CECR2: variants seen among roughly 807,000 people sequenced by gnomAD.
CECR2 encodes chromatin remodeling regulator CECR2.
Under a neutral mutation model 154.5 loss-of-function variants are expected in CECR2, and 30 were observed. The ratio of observed to expected loss-of-function variants is 0.19; its 90% CI spans 0.15 to 0.26. CECR2 has a LOEUF of 0.26. Among genes scored for constraint, CECR2 ranks in the 10% least tolerant of loss-of-function variants. The pLI is 1.00. For missense variants in CECR2, 1,743 were observed against 1,829.3 expected (o/e 0.95, Z 0.86); for synonymous variants, 725 against 683.7 (o/e 1.06, Z -0.94).
At chr22:17,381,501 T>C (rs562412366) in intron 1 of CECR2, among the ~76,000 whole-genome samples, 3 of 152,314 alleles carry the variant, frequency 2.0e-5, no homozygotes, top group Non-Finnish European at 4.4e-5. Flanking sequence ...CCATCTTCCT[T>C]ACCCCTGACT....
At position 17,415,284 on chromosome 22, in the gene CECR2, C is replaced by A. The variant is rs189056383; in HGVS notation, c.126+45375C>A. On this transcript the variant is annotated intron_variant, in intron 1 of 18. Transcript: ENST00000262608. ...TGAGACAGGGTCTCTGTCGCCCAGGCTGGAATGCAGTGGCACAATCTCAGC... is the reference window on the plus strand; with the variant it reads ...TGAGACAGGGTCTCTGTCGCCCAGGATGGAATGCAGTGGCACAATCTCAGC... Among the ~76,000 whole-genome samples, 300 of 152,228 alleles carry A rather than the reference C, an allele frequency of 2.0e-3. 2 individuals are homozygous for A. The highest frequency in any genetic ancestry group is 0.016 in the Admixed American group (240 of 15,280).
intron 1 of CECR2, among the ~76,000 whole-genome samples, chr22:17,386,842 GGTT>G (rs2063268457): frequency 6.6e-6 from 1 of 151,960 alleles, no homozygotes; most frequent in Non-Finnish European, 1.5e-5. Context: ...GTAGAGACAG[GGTT>G]TCATCATATT....
chr22:17,477,676 A>G lies in CECR2; in HGVS notation c.215A>G (p.Asp72Gly). 6.2e-7 allele frequency: 1 copy of G among 1,601,748 alleles called. No individual in the cohort carries two copies. The highest frequency in any genetic ancestry group is 8.6e-7 in the Non-Finnish European group (1 of 1,168,838). Residue 72 changes from aspartate (D) to glycine (G), a missense_variant, in exon 2 of 19, where the codon GAT (aspartate) becomes GGT (glycine). Coordinates refer to ENST00000262608, the MANE Select transcript of CECR2 (RefSeq NM_001290047.2). ...CLLQGCYQRRDITPQTFHSYL... is the reference protein window; with the variant it reads ...CLLQGCYQRRGITPQTFHSYL... ...CTTCAGGGCTGCTATCAACGAAGAG[A>G]TATCACGTGAGTAATTCTGATCTTT...
chr22:17,517,544 T>G (rs5747214), intron 8 of CECR2, among the ~76,000 whole-genome samples: 23,722 of 152,260 alleles, frequency 0.16, 2,288 homozygotes, highest in East Asian at 0.47. Context: ...TGAATCCCAC[T>G]TAATACAAAT....
intron 1 of CECR2, among the ~76,000 whole-genome samples, chr22:17,476,492 C>T (rs1276457027): frequency 1.3e-5 from 2 of 151,916 alleles, no homozygotes; most frequent in African/African-American, 4.8e-5. Flanking sequence ...AATCTCTTGA[C>T]CTCAAGTGAG....
intron 2 of CECR2, among the ~76,000 whole-genome samples, chr22:17,490,446 A>T (rs1323590522): frequency 2.0e-5 from 3 of 151,138 alleles, no homozygotes; most frequent in African/African-American, 7.3e-5. Context: ...TTATTTATTT[A>T]TTTTTTGAGA....
intron 1 of CECR2, among the ~76,000 whole-genome samples, chr22:17,447,050 T>TTTTTTTTTTTTTTTTTTTTTTTTG: frequency 6.8e-6 from 1 of 147,990 alleles, no homozygotes; most frequent in African/African-American, 2.6e-5. Context: ...TTTTTTTTTT[T>TTTTTTTTTTTTTTTTTTTTTTTTG]TTGAGACAGA....
At position 17,554,459 on chromosome 22, in the gene CECR2, A is replaced by G. The variant is rs1034078852; in HGVS notation, c.*1619A>G. On this transcript the variant is annotated 3_prime_UTR_variant, in exon 19 of 19. Coordinates refer to ENST00000262608, the MANE Select transcript of CECR2 (RefSeq NM_001290047.2). ...GAACTGTCGTGTTTACAGTTTGCTA[A>G]ACATATGCTGTCCGTGGAAAAGGAA... 1.3e-5 allele frequency: 2 copies of G among 152,174 alleles called. No individual in the cohort carries two copies. Among genetic ancestry groups the G allele is most frequent in the African/African-American group, 4.8e-5 (2 of 41,434 alleles). 9.4% of individuals were successfully genotyped at this position (152,174 alleles called of 1,614,324 possible).
chr22:17,411,924 C>T (rs186656303), intron 1 of CECR2, among the ~76,000 whole-genome samples: 22 of 152,090 alleles, frequency 1.4e-4, no homozygotes, highest in African/African-American at 5.1e-4. Context: ...CACTGTAATT[C>T]AGATATGGCC....
chr22:17,440,854 G>A (rs896030693), intron 1 of CECR2, among the ~76,000 whole-genome samples: 1 of 150,416 alleles, frequency 6.6e-6, no homozygotes, highest in Non-Finnish European at 1.5e-5. Context: ...GTAACCAAAT[G>A]TTCAAGAAAG....
At chr22:17,422,653 A>G (rs185215232) in intron 1 of CECR2, among the ~76,000 whole-genome samples, 1 of 148,220 alleles carries the variant, frequency 6.7e-6, no homozygotes, top group East Asian at 2.0e-4. Context: ...TGTTTATATT[A>G]CACCTTTTGT....
At chr22:17,443,048 G>C (rs902705577) in intron 1 of CECR2, among the ~76,000 whole-genome samples, 1 of 152,146 alleles carries the variant, frequency 6.6e-6, no homozygotes, top group Non-Finnish European at 1.5e-5. Flanking sequence ...CCATTTACTT[G>C]CTGTCCAGTC....
At chr22:17,462,679 G>A (rs1354730881) in intron 1 of CECR2, among the ~76,000 whole-genome samples, 3 of 152,120 alleles carry the variant, frequency 2.0e-5, no homozygotes, top group Non-Finnish European at 2.9e-5. Context: ...ACTTTGGGAG[G>A]CCGAGGCGGG....
At chr22:17,372,156 A>C (rs1304161560) in intron 1 of CECR2, among the ~76,000 whole-genome samples, 1 of 152,192 alleles carries the variant, frequency 6.6e-6, no homozygotes, top group Non-Finnish European at 1.5e-5. Flanking sequence ...TTGGCTTCAA[A>C]CATGCAGGTT....
At position 17,549,156 on chromosome 22, in the gene CECR2, C is replaced by T. The variant is rs1486281208; in HGVS notation, c.3869C>T (p.Pro1290Leu). Residue 1290 changes from proline to leucine, a missense_variant, in exon 17 of 19, where the codon CCA becomes CTA. Pro to Leu is a moderately conservative substitution (Grantham distance 98). This residue lies in a region of CECR2 where 1,250 missense variants were observed against 1,192.1 expected (regional missense o/e 1.05). Coordinates refer to ENST00000262608, the MANE Select transcript of CECR2 (RefSeq NM_001290047.2). ...AAGCTGGATGAATCTATGGAGAGGC[C>T]AGAGAGTCCCAAAGAATTTTTAGAC... ...EEKLDESMER[P>L]ESPKEFLDLD... 1 of 1,614,006 alleles carries T rather than the reference C, an allele frequency of 6.2e-7. No homozygotes were observed.
intron 1 of CECR2, among the ~76,000 whole-genome samples, chr22:17,460,712 C>T (rs947255174): frequency 5.3e-5 from 8 of 152,178 alleles, no homozygotes; most frequent in African/African-American, 9.7e-5. Flanking sequence ...CTGTCATCCC[C>T]GGTATCCTTA....
At chr22:17,512,787 A>G (rs969487999) in intron 8 of CECR2, among the ~76,000 whole-genome samples, 1 of 151,688 alleles carries the variant, frequency 6.6e-6, no homozygotes, top group African/African-American at 2.4e-5. Flanking sequence ...CTAATTGGAG[A>G]TGTAGCATGG....
chr22:17,409,625 AAGTATATCCTCGCC>A (rs2054036789), intron 1 of CECR2, among the ~76,000 whole-genome samples: 2 of 112,184 alleles, frequency 1.8e-5, no homozygotes, highest in Non-Finnish European at 4.3e-5. Flanking sequence ...ACCCAGTGAA[AAGTATATCCTCGCC>A]TCTCTTCCCA....
intron 14 of CECR2, among the ~76,000 whole-genome samples, chr22:17,541,161 AAAATAT>A (rs2056517213): frequency 6.6e-6 from 1 of 152,192 alleles, no homozygotes; most frequent in African/African-American, 2.4e-5. Context: ...TTGGGATTAA[AAAATAT>A]GTAATCTGGC....
Sources: allele counts gnomAD v4.1 joint callset (sites outside exome capture counted in the v4.1 genomes callset), GRCh38; gene constraint gnomAD v4.1.1; regional missense constraint gnomAD v4.1.1; transcripts MANE v1.5; gene names NCBI Gene and HGNC (gene_info 2026-07-23, HGNC 2026-07-21).